ANO2: variants seen among roughly 807,000 people sequenced by gnomAD.
The protein encoded by ANO2 is anoctamin 2.
Under a neutral mutation model 124.2 loss-of-function variants are expected in ANO2, and 101 were observed. That is an observed-to-expected ratio of 0.81 (90% CI 0.69 to 0.96). ANO2 has a LOEUF of 0.96. Among genes scored for constraint, ANO2 ranks in the 40% least tolerant of loss-of-function variants. ANO2 has a pLI of 0.00. For missense variants in ANO2, 1,293 were observed against 1,274.5 expected (o/e 1.01, Z -0.22); for synonymous variants, 486 against 482.5 (o/e 1.01, Z -0.09).
At chr12:5,750,367 C>T (rs554334204) in intron 11 of ANO2, among the ~76,000 whole-genome samples, 1 of 152,356 alleles carries the variant, frequency 6.6e-6, no homozygotes, top group East Asian at 1.9e-4. Context: ...GCTGTGCCTT[C>T]CTCAGCATTA....
At chr12:5,607,266 G>A (rs1163907902) in intron 19 of ANO2, among the ~76,000 whole-genome samples, 2 of 152,010 alleles carry the variant, frequency 1.3e-5, no homozygotes, top group Non-Finnish European at 2.9e-5. Flanking sequence ...AAGCATCACC[G>A]TTAAACACAA....
intron 18 of ANO2, 69 bp downstream of exon 18, chr12:5,612,832 T>C: frequency 1.2e-6 from 2 of 1,609,726 alleles, no homozygotes; most frequent in Non-Finnish European, 1.7e-6. Context: ...AATGAAGCCA[T>C]GCTGTGCTGG....
intron 14 of ANO2, among the ~76,000 whole-genome samples, chr12:5,688,176 C>T (rs934903930): frequency 3.3e-5 from 5 of 152,146 alleles, no homozygotes; most frequent in Admixed American, 6.5e-5. Flanking sequence ...ATGCCAAAAC[C>T]GTACTCCAAA....
intron 16 of ANO2, among the ~76,000 whole-genome samples, chr12:5,622,982 A>C (rs1211551663): frequency 4.0e-5 from 6 of 148,390 alleles, no homozygotes; most frequent in African/African-American, 1.5e-4. Context: ...AAAAAAAAAG[A>C]AACGAAAAGA....
At chr12:5,674,453 C>A (rs879088557) in intron 14 of ANO2, among the ~76,000 whole-genome samples, 1 of 152,188 alleles carries the variant, frequency 6.6e-6, no homozygotes, top group Admixed American at 6.5e-5. Flanking sequence ...CATGAGAAAT[C>A]TCTCCCAGCC....
At chr12:5,857,794 A>G (rs1955149087) in intron 3 of ANO2, among the ~76,000 whole-genome samples, 1 of 152,080 alleles carries the variant, frequency 6.6e-6, no homozygotes, top group South Asian at 2.1e-4. Context: ...AGATAGATAG[A>G]TAGATAGATA....
intron 4 of ANO2, among the ~76,000 whole-genome samples, chr12:5,836,570 A>T (rs1954326057): frequency 1.3e-5 from 2 of 152,170 alleles, no homozygotes; most frequent in Admixed American, 1.3e-4. Context: ...ACAGTCACCC[A>T]CTGCTCTTAG....
intron 14 of ANO2, among the ~76,000 whole-genome samples, chr12:5,693,953 T>C (rs567956048): frequency 7.2e-5 from 11 of 152,280 alleles, no homozygotes; most frequent in African/African-American, 2.6e-4. Flanking sequence ...TCATGGTACA[T>C]ATTGCTAGTG....
chr12:5,857,809 G>GATA (rs1955151060), intron 3 of ANO2, among the ~76,000 whole-genome samples: 1 of 150,456 alleles, frequency 6.6e-6, no homozygotes, highest in South Asian at 2.1e-4. Flanking sequence ...TAGATAGATA[G>GATA]ATAGATAGAT....
chr12:5,824,610 C>T (rs1280017984), intron 7 of ANO2, among the ~76,000 whole-genome samples: 1 of 152,212 alleles, frequency 6.6e-6, no homozygotes, highest in Non-Finnish European at 1.5e-5. Context: ...AACTTTCCCA[C>T]ATTTTCCTTC....
At chr12:5,798,392 G>A (rs535040706) in intron 10 of ANO2, among the ~76,000 whole-genome samples, 8 of 152,202 alleles carry the variant, frequency 5.3e-5, no homozygotes, top group African/African-American at 1.9e-4. Context: ...TCTCTGTGTA[G>A]GAGGTGAGCT....
intron 10 of ANO2, among the ~76,000 whole-genome samples, chr12:5,773,717 G>A (rs937000160): frequency 1.3e-5 from 2 of 152,126 alleles, no homozygotes; most frequent in Non-Finnish European, 2.9e-5. Flanking sequence ...TCTCTCCAAG[G>A]CTGAGCCACC....
intron 10 of ANO2, among the ~76,000 whole-genome samples, chr12:5,760,834 C>T (rs1289616314): frequency 6.6e-6 from 1 of 152,092 alleles, no homozygotes; most frequent in South Asian, 2.1e-4. Context: ...TTCAACTGCT[C>T]GCTTTAACTT....
At chr12:5,854,543 G>A (rs893749702) in intron 3 of ANO2, among the ~76,000 whole-genome samples, 2 of 152,112 alleles carry the variant, frequency 1.3e-5, no homozygotes, top group African/African-American at 4.8e-5. Context: ...TGAATAGCCT[G>A]CAACTTGTCT....
intron 7 of ANO2, among the ~76,000 whole-genome samples, chr12:5,824,092 G>A (rs1953887241): frequency 6.6e-6 from 1 of 152,160 alleles, no homozygotes; most frequent in Admixed American, 6.5e-5. Context: ...TTCCTCCTGG[G>A]CCTCTGGGTC....
intron 16 of ANO2, among the ~76,000 whole-genome samples, chr12:5,628,293 C>T (rs545926855): frequency 3.3e-5 from 5 of 152,342 alleles, no homozygotes; most frequent in African/African-American, 1.2e-4. Context: ...CTGACCCACA[C>T]GGTTGTCCCC....
At chr12:5,878,534 G>C (rs1163779836) in intron 3 of ANO2, among the ~76,000 whole-genome samples, 1 of 152,212 alleles carries the variant, frequency 6.6e-6, no homozygotes, top group Non-Finnish European at 1.5e-5. Flanking sequence ...GCATGCCCCT[G>C]ACATTGGCAT....
chr12:5,717,313 C>G (rs1950059228), intron 14 of ANO2, among the ~76,000 whole-genome samples: 1 of 152,180 alleles, frequency 6.6e-6, no homozygotes, highest in Non-Finnish European at 1.5e-5. Flanking sequence ...CCCAAATTGA[C>G]CCAGAGGGTA....
chr12:5,821,099 C>T lies in ANO2; in HGVS notation c.892+6670G>A, dbSNP rs142501194. On this transcript the variant is annotated intron_variant, in intron 7 of 24. Coordinates refer to ENST00000682330, the MANE Select transcript of ANO2 (RefSeq NM_001364791.2). Reference sequence around the variant, plus strand: ...CACAAGATATCACACTGGTCCATTACATTGATGACATTATGCTGACTGGAT... The same window carrying T: ...CACAAGATATCACACTGGTCCATTATATTGATGACATTATGCTGACTGGAT... Among the ~76,000 whole-genome samples the T allele has an allele frequency of 2.6e-4, 39 of 152,298 alleles. No homozygotes were observed. The East Asian group carries it at 7.1e-3, about 28-fold the overall frequency.
Sources: allele counts gnomAD v4.1 joint callset (sites outside exome capture counted in the v4.1 genomes callset), GRCh38; gene constraint gnomAD v4.1.1; transcripts MANE v1.5; gene names NCBI Gene and HGNC (gene_info 2026-07-23, HGNC 2026-07-21).